Variants in KDM4C observed in about 807,000 individuals in gnomAD.
KDM4C encodes the protein lysine-specific demethylase 4C.
A neutral mutation model predicts 129.3 loss-of-function variants in KDM4C; 81 were observed. The ratio of observed to expected loss-of-function variants is 0.63; its 90% CI spans 0.52 to 0.75. The LOEUF is 0.75. Among genes scored for constraint, KDM4C ranks in the 30% least tolerant of loss-of-function variants. The probability of loss-of-function intolerance (pLI) is 0.00; values close to 1 mark genes in which losing one functional copy is unlikely to be tolerated. For synonymous variants in KDM4C, 573 were observed against 456.1 expected (o/e 1.26, Z -3.26); for missense variants, 1,457 against 1,304.0 (o/e 1.12, Z -1.81).
chr9:6,946,794 T>C (rs751810532), intron 8 of KDM4C, among the ~76,000 whole-genome samples: 3 of 152,154 alleles, frequency 2.0e-5, no homozygotes, highest in Non-Finnish European at 4.4e-5. Context: ...AGCAGAAAAC[T>C]TGTCTTTTTC....
At chr9:6,740,353 G>A (rs1460054162) in intron 1 of KDM4C, among the ~76,000 whole-genome samples, 17 of 151,924 alleles carry the variant, frequency 1.1e-4, no homozygotes, top group Non-Finnish European at 2.9e-5. Context: ...ACAGGCGCCC[G>A]TCACCCCACC....
At chr9:7,144,856 G>T (rs1002708719) in intron 19 of KDM4C, among the ~76,000 whole-genome samples, 3 of 152,250 alleles carry the variant, frequency 2.0e-5, no homozygotes, top group African/African-American at 7.2e-5. Flanking sequence ...CTATTCTTAG[G>T]TCTCAGCCCA....
intron 8 of KDM4C, among the ~76,000 whole-genome samples, chr9:6,943,781 G>T (rs1826392630): frequency 6.6e-6 from 1 of 152,184 alleles, no homozygotes; most frequent in Non-Finnish European, 1.5e-5. Context: ...GGAATGGAAG[G>T]CCTTCTGTGT....
chr9:6,888,718 T>G (rs907882308), intron 7 of KDM4C, among the ~76,000 whole-genome samples: 3 of 151,976 alleles, frequency 2.0e-5, no homozygotes, highest in Non-Finnish European at 4.4e-5. Flanking sequence ...CCTCTCAGTC[T>G]CAGGAGGATT....
chr9:6,997,426 G>A (rs1466791137), intron 12 of KDM4C, among the ~76,000 whole-genome samples: 1 of 152,218 alleles, frequency 6.6e-6, no homozygotes, highest in Admixed American at 6.5e-5. Context: ...TTGCTTGCCT[G>A]AAACTTAGGC....
intron 3 of KDM4C, among the ~76,000 whole-genome samples, chr9:6,807,345 C>T (rs910152273): frequency 7.4e-5 from 11 of 148,660 alleles, no homozygotes; most frequent in South Asian, 2.1e-4. Flanking sequence ...GGCCGCCCAT[C>T]GTCTGGGATG....
intron 15 of KDM4C, among the ~76,000 whole-genome samples, chr9:7,037,520 TAAAG>T (rs750550644): frequency 6.6e-6 from 1 of 152,188 alleles, no homozygotes; most frequent in Non-Finnish European, 1.5e-5. Context: ...AACTGAGGCA[TAAAG>T]AAATCATTCC....
intron 1 of KDM4C, among the ~76,000 whole-genome samples, chr9:6,773,181 T>C (rs536733554): frequency 9.4e-4 from 143 of 152,052 alleles, no homozygotes; most frequent in African/African-American, 3.3e-3. Context: ...TTAATTTTAT[T>C]TGGAGAGACA....
intron 8 of KDM4C, among the ~76,000 whole-genome samples, chr9:6,946,672 T>C (rs1827030761): frequency 1.3e-5 from 2 of 152,166 alleles, no homozygotes; most frequent in African/African-American, 4.8e-5. Flanking sequence ...GTGAATAATA[T>C]TTGAATATAT....
At chr9:7,070,738 T>G (rs1450717357) in intron 17 of KDM4C, among the ~76,000 whole-genome samples, 1 of 152,168 alleles carries the variant, frequency 6.6e-6, no homozygotes, top group Admixed American at 6.5e-5. Context: ...CAAAAAAACC[T>G]ACTGCGAACA....
intron 17 of KDM4C, among the ~76,000 whole-genome samples, chr9:7,078,196 A>T (rs941535033): frequency 2.6e-5 from 4 of 152,202 alleles, no homozygotes; most frequent in African/African-American, 9.6e-5. Flanking sequence ...AAAATAATTT[A>T]TACATGCTGT....
At chr9:6,834,058 T>TTTTTTTTTTTTTTTAA (rs1835403673) in intron 4 of KDM4C, among the ~76,000 whole-genome samples, 1 of 149,932 alleles carries the variant, frequency 6.7e-6, no homozygotes, top group Admixed American at 6.7e-5. Flanking sequence ...TTTTTTTTTT[T>TTTTTTTTTTTTTTTAA]AAGATAGTCT....
intron 8 of KDM4C, among the ~76,000 whole-genome samples, chr9:6,946,495 T>G (rs994162977): frequency 1.3e-5 from 2 of 152,114 alleles, no homozygotes; most frequent in African/African-American, 4.8e-5. Context: ...AACATTTCTT[T>G]TATTGTCACA....
intron 1 of KDM4C, among the ~76,000 whole-genome samples, chr9:6,768,183 T>A (rs1280741127): frequency 6.6e-6 from 1 of 152,098 alleles, no homozygotes; most frequent in Non-Finnish European, 1.5e-5. Context: ...CTAATTAAAC[T>A]GGCAAGAAGA....
At chr9:6,851,863 T>C (rs1838905231) in intron 5 of KDM4C, among the ~76,000 whole-genome samples, 1 of 152,196 alleles carries the variant, frequency 6.6e-6, no homozygotes, top group Non-Finnish European at 1.5e-5. Context: ...TGAGTGAGAA[T>C]AATTATGCCC....
At position 7,140,687 on chromosome 9, in the gene KDM4C, T is replaced by G. The variant is rs144248151; in HGVS notation, c.2781+12451T>G. ...CTTATGCCCCCAAGTTTTCTTACAGTGAGCACCTACTACATGCCACCCATC... is the reference window on the plus strand; with the variant it reads ...CTTATGCCCCCAAGTTTTCTTACAGGGAGCACCTACTACATGCCACCCATC... On this transcript the variant is annotated intron_variant, in intron 19 of 21. Coordinates refer to ENST00000381309, the MANE Select transcript of KDM4C (RefSeq NM_015061.6). 3.7e-3 allele frequency among the ~76,000 whole-genome samples: 560 copies of G among 152,300 alleles called. 1 individual carries two copies. Among genetic ancestry groups the G allele is most frequent in the Non-Finnish European group, 6.7e-3 (459 of 68,028 alleles).
intron 1 of KDM4C, among the ~76,000 whole-genome samples, chr9:6,777,154 G>A (rs1474768932): frequency 6.6e-6 from 1 of 152,014 alleles, no homozygotes; most frequent in Non-Finnish European, 1.5e-5. Flanking sequence ...GATTTCCTTT[G>A]GATTTTGGTC....
intron 4 of KDM4C, among the ~76,000 whole-genome samples, chr9:6,843,080 C>T (rs1837262041): frequency 1.3e-5 from 2 of 152,204 alleles, no homozygotes; most frequent in Non-Finnish European, 2.9e-5. Context: ...TAGGCATGTG[C>T]CACCATGCCT....
chr9:6,846,934 C>T (rs886392393), intron 4 of KDM4C, among the ~76,000 whole-genome samples: 1 of 152,144 alleles, frequency 6.6e-6, no homozygotes. Flanking sequence ...AAAGACTTGA[C>T]GCTCAGAAAA....
Sources: gnomAD v4.1 joint callset for allele counts (sites outside exome capture counted in the v4.1 genomes callset) on GRCh38, gnomAD v4.1.1 for gene constraint, MANE v1.5 for transcripts, NCBI Gene and HGNC (gene_info 2026-07-23, HGNC 2026-07-21) for gene names.